The following CUBN variants were observed in gnomAD, a reference collection of about 807,000 sequenced individuals.
CUBN encodes 460 kDa receptor.
CUBN carries 282 observed loss-of-function variants against 405.3 expected under a neutral mutation model. The observed-to-expected ratio is 0.70, with a 90% CI of 0.63 to 0.77. The LOEUF (loss-of-function observed/expected upper bound fraction) is 0.77. Ranked by LOEUF, CUBN falls within the 30% of genes least tolerant of loss-of-function variation. CUBN has a pLI of 0.00. For synonymous variants in CUBN, 1,684 were observed against 1,617.0 expected, an observed-to-expected ratio of 1.04 and a Z score of -0.99; for missense variants, 4,514 against 4,475.2, an observed-to-expected ratio of 1.01 and a Z score of -0.25.
intron 10 of CUBN, 67 bp from the exon 11 acceptor site, chr10:17,105,642 CT>C: frequency 1.2e-6 from 1 of 866,466 alleles, no homozygotes; most frequent in Non-Finnish European, 1.9e-6. Context: ...AGTATCTAAA[CT>C]CAGAATCTGC....
At chr10:16,942,784 A>AGGGGAAAGGGTAAAGGAAAAAGGG in intron 36 of CUBN, among the ~76,000 whole-genome samples, 1 of 140,138 alleles carries the variant, frequency 7.1e-6, no homozygotes, top group Non-Finnish European at 1.5e-5. Context: ...GGTAAAGGAA[A>AGGGGAAAGGGTAAAGGAAAAAGGG]AAGGGAAGGG....
At chr10:16,970,576 C>CAAA (rs1213142589) in intron 31 of CUBN, among the ~76,000 whole-genome samples, 1 of 121,610 alleles carries the variant, frequency 8.2e-6, no homozygotes, top group Non-Finnish European at 1.7e-5. Flanking sequence ...AACTCCATCT[C>CAAA]AAAAAAAAAA....
chr10:17,043,751 T>C, intron 26 of CUBN, 76 bp downstream of exon 26: 1 of 1,589,068 alleles, frequency 6.3e-7, no homozygotes, highest in Non-Finnish European at 8.6e-7. Flanking sequence ...ACTCTGCCAG[T>C]ATTCACACTT....
chr10:17,116,569 C>A (rs1386562488), intron 6 of CUBN, among the ~76,000 whole-genome samples: 1 of 152,192 alleles, frequency 6.6e-6, no homozygotes, highest in Non-Finnish European at 1.5e-5. Flanking sequence ...CGTGGCCAGG[C>A]CTCCCTCCCA....
intron 25 of CUBN, 31 bp downstream of exon 25, chr10:17,044,976 G>T: frequency 6.2e-7 from 1 of 1,603,072 alleles, no homozygotes; most frequent in Non-Finnish European, 8.5e-7. Flanking sequence ...GATGGGAGCA[G>T]GGAACAATAT....
intron 22 of CUBN, among the ~76,000 whole-genome samples, chr10:17,057,708 C>G (rs1450839388): frequency 2.0e-5 from 3 of 151,936 alleles, no homozygotes; most frequent in Admixed American, 1.3e-4. Context: ...AACTATCTAA[C>G]AACAGGTGAA....
chr10:16,984,021 C>A, intron 30 of CUBN, 84 bp downstream of exon 30: 1 of 1,443,938 alleles, frequency 6.9e-7, no homozygotes, highest in Non-Finnish European at 9.8e-7. Context: ...AAGTGTGTAG[C>A]CTTCATACGT....
chr10:16,840,402 T>A lies in CUBN; in HGVS notation c.9960A>T (p.Ile3320=). The stretch of plus-strand genomic sequence containing the variant: ...AGGTCAGCTGTAATGCCCACACAGT[T>A]ATCTTGACCTGCTGATGCGGAGGGG... The part of the protein sequence containing the change: ...IDSPPHQQVK[I]TVWALQLTSQ... Residue 3320 remains isoleucine (I), a synonymous_variant, in exon 62 of 67, where the codon ATA becomes ATT. Transcript: ENST00000377833. 1 of 1,614,130 alleles carries A rather than the reference T, an allele frequency of 6.2e-7. No homozygotes were observed. The highest frequency in any genetic ancestry group is 8.5e-7 in the Non-Finnish European group (1 of 1,180,000).
intron 31 of CUBN, among the ~76,000 whole-genome samples, chr10:16,968,027 G>C (rs2131664521): frequency 6.6e-6 from 1 of 151,442 alleles, no homozygotes; most frequent in African/African-American, 2.4e-5. Context: ...GAGAGGAAGA[G>C]GAGGGGAGAG....
rs907958704 is a variant in CUBN at position 17,041,080 on chromosome 10, C to T, written c.3970G>A (p.Ala1324Thr). 9.9e-6 allele frequency: 16 copies of T among 1,613,628 alleles called. No individual in the cohort carries two copies. The highest frequency in any genetic ancestry group is 1.4e-5 in the Non-Finnish European group (16 of 1,179,792). Residue 1324 changes from alanine to threonine, a missense_variant, in exon 27 of 67, where the codon GCA becomes ACA. Around this residue, in one of 5 missense-constraint regions of CUBN, gnomAD observed 242 missense variants for 309.0 expected, o/e 0.78. Coordinates refer to ENST00000377833, the MANE Select transcript of CUBN (RefSeq NM_001081.4). ...TTTATGTGATGTTCCAAGTCAAATG[C>T]TAAAAATGTGTAGTTCACAGTGTTG... The part of the protein sequence containing the change: ...TGNTVNYTFL[A>T]FDLEHHINCS...
intron 28 of CUBN, among the ~76,000 whole-genome samples, chr10:16,999,375 C>A (rs1833819118): frequency 6.6e-6 from 1 of 152,162 alleles, no homozygotes; most frequent in South Asian, 2.1e-4. Context: ...GAGAAGTTAG[C>A]CAATCTTGTC....
At chr10:17,122,769 T>G in intron 6 of CUBN, 26 bp downstream of exon 6, 1 of 1,405,924 alleles carries the variant, frequency 7.1e-7, no homozygotes, top group Non-Finnish European at 1.0e-6. Flanking sequence ...ATACTGATAT[T>G]TACCAAAAAA....
At chr10:16,888,641 A>T in intron 55 of CUBN, 75 bp from the exon 56 acceptor site, 5 of 1,261,980 alleles carry the variant, frequency 4.0e-6, no homozygotes, top group Non-Finnish European at 5.8e-6. Context: ...GGAAAGAGGC[A>T]TTTTCCTAAA....
At chr10:16,828,240 G>C (rs1177331218) in intron 66 of CUBN, among the ~76,000 whole-genome samples, 2 of 152,168 alleles carry the variant, frequency 1.3e-5, no homozygotes, top group Admixed American at 1.3e-4. Context: ...GTGGGAACTG[G>C]AAGTCTAATG....
intron 62 of CUBN, among the ~76,000 whole-genome samples, chr10:16,837,941 T>A (rs1839222745): frequency 6.6e-6 from 1 of 152,098 alleles, no homozygotes; most frequent in Admixed American, 6.5e-5. Flanking sequence ...CCCCGCTGAG[T>A]GGTCCACCCT....
rs768182223 is a variant in CUBN at position 16,948,556 on chromosome 10, C to T, written c.5131G>A (p.Ala1711Thr). The T allele has an allele frequency of 1.6e-5, 26 of 1,613,924 alleles. No individual in the cohort carries two copies. Among genetic ancestry groups the T allele is most frequent in the East Asian group, 1.1e-4 (5 of 44,886 alleles). The change falls in exon 35 of 67, where the codon GCC (alanine) becomes ACC (threonine). Residue 1711 changes from alanine (A) to threonine (T), a missense_variant. Around this residue, in one of 5 missense-constraint regions of CUBN, gnomAD observed 1,613 missense variants for 1,542.8 expected, o/e 1.05. Transcript: ENST00000377833. ...MPHPITSFSS[A>T]LTLRFVSDSS... ...TCAGAGACGAATCTCAGCGTCAGGG[C>T]GCTGCTGAAGGATGTGATAGGATGG...
rs45620432 is a variant in CUBN, at chr10:16,834,821, G to A, written c.10362+193C>T. On this transcript the variant is annotated intron_variant, in intron 64 of 66. Transcript: ENST00000377833. ...CTGCCAGACTAGGAGTCTCCTGCGGGCCCTAAGGTTCCCAATTTCCGGTGT... is the reference window on the plus strand; with the variant it reads ...CTGCCAGACTAGGAGTCTCCTGCGGACCCTAAGGTTCCCAATTTCCGGTGT... 0.092 allele frequency among the ~76,000 whole-genome samples: 14,001 copies of A among 152,144 alleles called. 786 individuals are homozygous for A. Among genetic ancestry groups the A allele is most frequent in the Middle Eastern group, 0.15 (44 of 294 alleles).
At chr10:17,078,180 T>A (rs1835891668) in intron 17 of CUBN, among the ~76,000 whole-genome samples, 1 of 152,180 alleles carries the variant, frequency 6.6e-6, no homozygotes, top group Non-Finnish European at 1.5e-5. Flanking sequence ...TGTCCTTGCA[T>A]ATAGAATATA....
At chr10:16,994,908 T>C (rs1334646535) in intron 28 of CUBN, among the ~76,000 whole-genome samples, 3 of 152,104 alleles carry the variant, frequency 2.0e-5, no homozygotes, top group Non-Finnish European at 4.4e-5. Context: ...TGTCCCAACA[T>C]GGTGAAACCC....
Sources: gnomAD v4.1 joint callset for allele counts (sites outside exome capture counted in the v4.1 genomes callset) on GRCh38, gnomAD v4.1.1 for gene constraint, gnomAD v4.1.1 regional missense constraint, MANE v1.5 for transcripts, NCBI Gene and HGNC (gene_info 2026-07-23, HGNC 2026-07-21) for gene names.